The following NFIA variants were observed in gnomAD, a reference collection of about 807,000 sequenced individuals.
The protein encoded by NFIA is nuclear factor I A.
In NFIA, 8 loss-of-function variants were observed where a neutral mutation model predicts 62.8. The observed-to-expected ratio is 0.13, with a 90% CI of 0.07 to 0.23. The LOEUF is 0.23. Ranked by LOEUF, NFIA falls within the 10% of genes least tolerant of loss-of-function variation. The pLI is 1.00. For missense variants in NFIA, 410 were observed against 642.1 expected (o/e 0.64, Z 3.91); for synonymous variants, 235 against 238.1 (o/e 0.99, Z 0.12).
At position 61,387,468 on chromosome 1, in the gene NFIA, C is replaced by CTGTTTT. The variant is rs1171901984; in HGVS notation, c.1075+4104_1075+4105insGTTTTT. 3.2e-3 allele frequency among the ~76,000 whole-genome samples: 309 copies of CTGTTTT among 95,470 alleles called. 8 individuals are homozygous for CTGTTTT. The highest frequency in any genetic ancestry group is 0.012 in the African/African-American group (295 of 24,290). The allele number at this position is 95,470 out of a possible 152,430, so 62.6% of individuals were successfully genotyped here. A position where few individuals can be genotyped will look rare whatever the true frequency, so the allele number is the denominator to read the frequency against. ...TCCCCCAGATCAGCTCAAGCACTTT[C>CTGTTTT]TTTTTTTTTTTTTTTTTTTTTTTGA... On this transcript the variant is annotated intron_variant, in intron 7 of 10. Coordinates refer to ENST00000403491, the MANE Select transcript of NFIA (RefSeq NM_001134673.4).
chr1:61,263,632 G>C (rs1178834758), intron 2 of NFIA, among the ~76,000 whole-genome samples: 1 of 152,094 alleles, frequency 6.6e-6, no homozygotes, highest in East Asian at 1.9e-4. Context: ...CTTTGGCAAG[G>C]GTTCTAACAC....
chr1:61,304,146 C>T (rs545225523), intron 3 of NFIA, among the ~76,000 whole-genome samples: 5 of 152,142 alleles, frequency 3.3e-5, no homozygotes, highest in South Asian at 4.2e-4. Context: ...CATGGTGGCA[C>T]GTGCCTGTAA....
intron 4 of NFIA, among the ~76,000 whole-genome samples, chr1:61,333,049 A>ACG (rs1406826119): frequency 2.2e-5 from 3 of 134,036 alleles, no homozygotes; most frequent in East Asian, 4.0e-4. Context: ...GCATGCACGC[A>ACG]CACACACACA....
chr1:61,322,430 G>T (rs1326110938), intron 3 of NFIA, among the ~76,000 whole-genome samples: 1 of 152,156 alleles, frequency 6.6e-6, no homozygotes, highest in Non-Finnish European at 1.5e-5. Context: ...TGTCATTCAG[G>T]GTCCCAGGTT....
chr1:61,405,319 C>T (rs781266385), intron 8 of NFIA, among the ~76,000 whole-genome samples: 15 of 152,170 alleles, frequency 9.9e-5, no homozygotes, highest in Non-Finnish European at 1.9e-4. Flanking sequence ...AAAGCATTCA[C>T]TTATGGACTC....
intron 2 of NFIA, among the ~76,000 whole-genome samples, chr1:61,228,571 A>G (rs1400823174): frequency 6.6e-6 from 1 of 152,204 alleles, no homozygotes; most frequent in Non-Finnish European, 1.5e-5. Flanking sequence ...ATGTTCCAGA[A>G]ACTATGAGAT....
At chr1:61,208,695 G>C (rs572428295) in intron 2 of NFIA, among the ~76,000 whole-genome samples, 2 of 152,136 alleles carry the variant, frequency 1.3e-5, no homozygotes, top group Non-Finnish European at 2.9e-5. Context: ...AACCTTATAC[G>C]TAGTGGCTTG....
At chr1:61,192,337 T>G (rs556323411) in intron 2 of NFIA, among the ~76,000 whole-genome samples, 5 of 152,306 alleles carry the variant, frequency 3.3e-5, no homozygotes, top group African/African-American at 1.2e-4. Flanking sequence ...AAAATTTATT[T>G]TTCTTTAGTC....
intron 3 of NFIA, among the ~76,000 whole-genome samples, chr1:61,286,149 C>G (rs771070513): frequency 1.3e-5 from 2 of 151,954 alleles, no homozygotes; most frequent in African/African-American, 2.4e-5. Flanking sequence ...CTGGATAGGC[C>G]GGGCAGGATG....
At chr1:61,103,409 A>T (rs1570157217) in intron 2 of NFIA, among the ~76,000 whole-genome samples, 1 of 152,186 alleles carries the variant, frequency 6.6e-6, no homozygotes, top group African/African-American at 2.4e-5. Context: ...TAGGCTAAGG[A>T]CTGCTTCCCT....
intron 3 of NFIA, among the ~76,000 whole-genome samples, chr1:61,290,331 A>G (rs1460666049): frequency 6.6e-6 from 1 of 152,238 alleles, no homozygotes; most frequent in Non-Finnish European, 1.5e-5. Context: ...TACTGAAAAC[A>G]TAAAATGTTT....
chr1:61,273,574 A>G (rs1436478948), intron 2 of NFIA, among the ~76,000 whole-genome samples: 1 of 152,232 alleles, frequency 6.6e-6, no homozygotes, highest in African/African-American at 2.4e-5. Flanking sequence ...CAGTATCAGA[A>G]AGCTGAACAA....
chr1:61,237,196 C>T (rs1206991166), intron 2 of NFIA, among the ~76,000 whole-genome samples: 1 of 152,158 alleles, frequency 6.6e-6, no homozygotes, highest in Non-Finnish European at 1.5e-5. Flanking sequence ...CTCTCATTTG[C>T]ATTATTGAGA....
chr1:61,184,487 A>G (rs1484652160), intron 2 of NFIA, among the ~76,000 whole-genome samples: 4 of 152,266 alleles, frequency 2.6e-5, no homozygotes, highest in African/African-American at 4.8e-5. Flanking sequence ...GTAGGTAAAA[A>G]GTCTCTGAGC....
chr1:61,113,858 G>A (rs903260274), intron 2 of NFIA, among the ~76,000 whole-genome samples: 1 of 152,026 alleles, frequency 6.6e-6, no homozygotes, highest in Non-Finnish European at 1.5e-5. Flanking sequence ...GGTTAGAATG[G>A]GGGGTTTACA....
rs138748186 is a variant in NFIA at position 61,297,761 on chromosome 1, A to T, written c.625+20176A>T. Among the ~76,000 whole-genome samples the T allele has an allele frequency of 1.5e-4, 23 of 152,320 alleles. No homozygotes were observed. In the East Asian group the frequency reaches 1.5e-3, roughly 10 times the overall value. ...CAGGGTAAATATGCTAAGTGCTCTAACTGTGAAACAAAGTGCTCTGAGAAT... is the reference window on the plus strand; with the variant it reads ...CAGGGTAAATATGCTAAGTGCTCTATCTGTGAAACAAAGTGCTCTGAGAAT... On this transcript the variant is annotated intron_variant, in intron 3 of 10. Transcript: ENST00000403491.
At chr1:61,279,051 G>C (rs1389221969) in intron 3 of NFIA, among the ~76,000 whole-genome samples, 1 of 151,998 alleles carries the variant, frequency 6.6e-6, no homozygotes, top group Non-Finnish European at 1.5e-5. Context: ...TATTTTTCTT[G>C]TCAATATAAT....
At chr1:61,259,715 C>CCTAA (rs755519488) in intron 2 of NFIA, among the ~76,000 whole-genome samples, 17 of 151,516 alleles carry the variant, frequency 1.1e-4, no homozygotes, top group Admixed American at 2.6e-4. Flanking sequence ...ACCTCCTGTG[C>CCTAA]CTAAGAAGGT....
chr1:61,168,357 A>G (rs562711949), intron 2 of NFIA, among the ~76,000 whole-genome samples: 1 of 152,328 alleles, frequency 6.6e-6, no homozygotes, highest in South Asian at 2.1e-4. Context: ...CTGCGTGTGC[A>G]TGTATATTAA....
Sources: gnomAD v4.1 joint callset for allele counts (sites outside exome capture counted in the v4.1 genomes callset) on GRCh38, gnomAD v4.1.1 for gene constraint, MANE v1.5 for transcripts, NCBI Gene and HGNC (gene_info 2026-07-23, HGNC 2026-07-21) for gene names.